Variants in GALNTL6 observed in about 807,000 individuals in gnomAD.
The protein encoded by GALNTL6 is polypeptide N-acetylgalactosaminyltransferase-like 6.
A neutral mutation model predicts 73.7 loss-of-function variants in GALNTL6; 46 were observed. The ratio of observed to expected loss-of-function variants is 0.62; its 90% confidence interval spans 0.49 to 0.80. GALNTL6 has a LOEUF of 0.80. Among genes scored for constraint, GALNTL6 ranks in the 30% least tolerant of loss-of-function variants. The pLI, the probability that GALNTL6 is intolerant of heterozygous loss-of-function variation, is 0.00. For missense variants in GALNTL6, 604 were observed against 755.0 expected (o/e 0.80, Z 2.34); for synonymous variants, 259 against 263.7 (o/e 0.98, Z 0.17).
At chr4:172,291,808 TA>T (rs1278533752) in intron 3 of GALNTL6, among the ~76,000 whole-genome samples, 2 of 151,356 alleles carry the variant, frequency 1.3e-5, no homozygotes, top group African/African-American at 2.4e-5. Context: ...TACAAGAGGC[TA>T]AAAAAAATTC....
intron 2 of GALNTL6, among the ~76,000 whole-genome samples, chr4:171,892,086 A>G (rs533491991): frequency 6.6e-6 from 1 of 152,320 alleles, no homozygotes; most frequent in South Asian, 2.1e-4. Context: ...CATGCACACA[A>G]TTATTTAAAA....
intron 5 of GALNTL6, among the ~76,000 whole-genome samples, chr4:172,546,596 A>G (rs1425200947): frequency 6.6e-6 from 1 of 151,300 alleles, no homozygotes; most frequent in Non-Finnish European, 1.5e-5. Context: ...GACCTGGAAA[A>G]GGACTGTCTT....
At chr4:172,604,376 G>C (rs530419555) in intron 5 of GALNTL6, among the ~76,000 whole-genome samples, 1 of 152,062 alleles carries the variant, frequency 6.6e-6, no homozygotes, top group Non-Finnish European at 1.5e-5. Context: ...TTCTGGCTTA[G>C]TATTAAAAAA....
chr4:172,438,645 A>G (rs185461983), intron 5 of GALNTL6, among the ~76,000 whole-genome samples: 94 of 152,194 alleles, frequency 6.2e-4, no homozygotes, highest in African/African-American at 2.1e-3. Flanking sequence ...CTGTCAGTGC[A>G]GTTAAAAGTG....
intron 3 of GALNTL6, among the ~76,000 whole-genome samples, chr4:172,295,019 A>G (rs940050754): frequency 2.0e-5 from 3 of 152,230 alleles, no homozygotes; most frequent in Non-Finnish European, 2.9e-5. Context: ...TAGATTCAGC[A>G]TGAATATAAA....
At chr4:172,704,534 A>C (rs1178507077) in intron 5 of GALNTL6, among the ~76,000 whole-genome samples, 1 of 151,928 alleles carries the variant, frequency 6.6e-6, no homozygotes, top group Non-Finnish European at 1.5e-5. Context: ...ATTGATTTAT[A>C]GTTTTATTCA....
intron 5 of GALNTL6, among the ~76,000 whole-genome samples, chr4:172,568,856 C>T (rs1240789303): frequency 6.6e-6 from 1 of 150,944 alleles, no homozygotes; most frequent in Non-Finnish European, 1.5e-5. Context: ...AACGGCTTTG[C>T]ATGCAGCCTG....
At chr4:172,923,298 A>G (rs1301533127) in intron 8 of GALNTL6, among the ~76,000 whole-genome samples, 1 of 151,420 alleles carries the variant, frequency 6.6e-6, no homozygotes, top group East Asian at 2.0e-4. Context: ...GTGGCAGGGA[A>G]GAGAGAACTT....
Position 172,411,448 on chromosome 4 carries a change from A to G in GALNTL6, c.553+62759A>G, listed in dbSNP as rs78953309. On this transcript the variant is annotated intron_variant, in intron 5 of 12. Coordinates refer to ENST00000506823, the MANE Select transcript of GALNTL6 (RefSeq NM_001034845.3). ...GTTTTCGCCTGCAGAATAAACTCCA[A>G]TGAGACATTTATTTGTCCTTGAGTA... 1.9e-3 allele frequency among the ~76,000 whole-genome samples: 296 copies of G among 152,260 alleles called. 1 individual carries two copies. The highest frequency in any genetic ancestry group is 6.8e-3 in the African/African-American group (284 of 41,564).
At chr4:172,249,128 T>G (rs1045189179) in intron 3 of GALNTL6, among the ~76,000 whole-genome samples, 2 of 152,178 alleles carry the variant, frequency 1.3e-5, no homozygotes, top group Admixed American at 1.3e-4. Context: ...TCCTAGAAGC[T>G]TGTTGAATGG....
chr4:172,003,749 C>T (rs1332813469), intron 2 of GALNTL6, among the ~76,000 whole-genome samples: 1 of 152,052 alleles, frequency 6.6e-6, no homozygotes, highest in African/African-American at 2.4e-5. Flanking sequence ...ATGGTGCCTT[C>T]AGCTGTCTTT....
intron 5 of GALNTL6, among the ~76,000 whole-genome samples, chr4:172,638,448 A>G (rs1739799532): frequency 6.6e-6 from 1 of 152,110 alleles, no homozygotes; most frequent in Admixed American, 6.6e-5. Flanking sequence ...AGTTCCATGA[A>G]GACCCCACAA....
chr4:172,815,970 G>A (rs199574502), intron 7 of GALNTL6, among the ~76,000 whole-genome samples: 7 of 152,270 alleles, frequency 4.6e-5, no homozygotes, highest in East Asian at 1.9e-4. Context: ...TCTGAGCAGC[G>A]TATCGGCAAT....
intron 3 of GALNTL6, among the ~76,000 whole-genome samples, chr4:172,257,103 G>T (rs1202910575): frequency 6.6e-6 from 1 of 151,338 alleles, no homozygotes; most frequent in African/African-American, 2.4e-5. Context: ...TAAGTGAATA[G>T]GGCAAGTTTT....
chr4:172,639,780 C>T lies in GALNTL6; in HGVS notation c.554-169581C>T, dbSNP rs116209365. Among the ~76,000 whole-genome samples the T allele has an allele frequency of 3.3e-3, 497 of 152,210 alleles. 3 individuals are homozygous for T. The highest frequency in any genetic ancestry group is 0.011 in the African/African-American group (474 of 41,540). On this transcript the variant is annotated intron_variant, in intron 5 of 12. Coordinates refer to ENST00000506823, the MANE Select transcript of GALNTL6 (RefSeq NM_001034845.3). ...TAATATCTACTTGCTGGCATCTGCA[C>T]TCACACTGGCTCCCACTGTTACCAT...
At chr4:171,885,405 T>C (rs933868537) in intron 2 of GALNTL6, among the ~76,000 whole-genome samples, 6 of 152,196 alleles carry the variant, frequency 3.9e-5, no homozygotes, top group Non-Finnish European at 7.3e-5. Context: ...GATATTTATG[T>C]TTATACAAAT....
chr4:172,077,966 A>C (rs1731754746), intron 2 of GALNTL6, among the ~76,000 whole-genome samples: 1 of 152,148 alleles, frequency 6.6e-6, no homozygotes, highest in South Asian at 2.1e-4. Flanking sequence ...CATGACTAAA[A>C]GGGACCAAGG....
intron 5 of GALNTL6, among the ~76,000 whole-genome samples, chr4:172,372,985 C>T (rs949572944): frequency 6.6e-6 from 1 of 152,176 alleles, no homozygotes. Context: ...GGCTTTCGAC[C>T]TACACACCTT....
intron 2 of GALNTL6, among the ~76,000 whole-genome samples, chr4:171,983,955 A>T (rs887993957): frequency 6.6e-6 from 1 of 152,206 alleles, no homozygotes; most frequent in Non-Finnish European, 1.5e-5. Context: ...TGTGGGCCTC[A>T]GCACACATAC....
Sources: gnomAD v4.1 joint callset for allele counts (sites outside exome capture counted in the v4.1 genomes callset) on GRCh38, gnomAD v4.1.1 for gene constraint, MANE v1.5 for transcripts, NCBI Gene and HGNC (gene_info 2026-07-23, HGNC 2026-07-21) for gene names.